PCMT1: variants seen among roughly 807,000 people sequenced by gnomAD.
PCMT1 encodes protein-L-isoaspartate(D-aspartate) O-methyltransferase.
In PCMT1, 9 loss-of-function variants were observed where a neutral mutation model predicts 29.2. The observed-to-expected ratio is 0.31, with a 90% CI of 0.19 to 0.54. The LOEUF is 0.54. PCMT1 is among the 20% of genes least tolerant of loss of function. PCMT1 has a pLI of 0.95. For synonymous variants in PCMT1, 98 were observed against 97.5 expected (o/e 1.00, Z -0.03); for missense variants, 184 against 282.2 (o/e 0.65, Z 2.49).
At chr6:149,777,876 CTTTTTT>C (rs57484963) in intron 3 of PCMT1, among the ~76,000 whole-genome samples, 1 of 111,076 alleles carries the variant, frequency 9.0e-6, no homozygotes, top group Non-Finnish European at 1.8e-5. Flanking sequence ...TTCTTTTCTT[CTTTTTT>C]TTTTTTTTTT....
chr6:149,793,657 G>C lies in PCMT1; in HGVS notation c.406G>C (p.Val136Leu), dbSNP rs776358894. ...DDPTLLSSGR[V>L]QLVVGDGRMG... is the part of the protein sequence containing the mutation. The stretch of plus-strand genomic sequence containing the variant: ...TCCAACACTTCTGTCTTCAGGGAGA[G>C]TACAGCTTGTTGGTAAGTATCAGAA... Residue 136 changes from valine (V) to leucine (L), a missense_variant, in exon 5 of 8, where the codon GTA becomes CTA. Physicochemically the swap from Val to Leu is conservative, Grantham distance 32. Coordinates refer to ENST00000464889, the MANE Select transcript of PCMT1 (RefSeq NM_001360452.2). The C allele has an allele frequency of 6.5e-7, 1 of 1,542,404 alleles. No individual in the cohort carries two copies. Among genetic ancestry groups the C allele is most frequent in the Non-Finnish European group, 8.6e-7 (1 of 1,158,006 alleles).
In PCMT1 at chr6:149,803,072, A is replaced by C. The variant is rs563221041; in HGVS notation, c.*37+656A>C. 1.1e-3 allele frequency among the ~76,000 whole-genome samples: 169 copies of C among 150,644 alleles called. 3 individuals are homozygous for C. Among genetic ancestry groups the C allele is most frequent in the African/African-American group, 3.6e-3 (148 of 41,138 alleles). The stretch of plus-strand genomic sequence containing the variant: ...TGTCTCAAAAAAAAAAAAAAAAAAA[A>C]AAAAAAAAAACAAGGGGCCATCATT... On this transcript the variant is annotated intron_variant, in intron 7 of 7. Transcript: ENST00000464889.
chr6:149,753,889 T>C (rs559570053), intron 1 of PCMT1, among the ~76,000 whole-genome samples: 120 of 152,280 alleles, frequency 7.9e-4, no homozygotes, highest in African/African-American at 2.8e-3. Context: ...ATCTCCTGAA[T>C]CACCTGGAGA....
chr6:149,786,369 A>ACC (rs1407498980), intron 3 of PCMT1, among the ~76,000 whole-genome samples: 14 of 54,208 alleles, frequency 2.6e-4, no homozygotes, highest in African/African-American at 1.1e-3. Flanking sequence ...CGGGGGGCTG[A>ACC]CCCCCCCACC....
At chr6:149,752,395 C>T (rs1447235227) in intron 1 of PCMT1, among the ~76,000 whole-genome samples, 1 of 151,568 alleles carries the variant, frequency 6.6e-6, no homozygotes, top group African/African-American at 2.4e-5. Flanking sequence ...AACGGGGTTT[C>T]ACTATGTTGG....
At chr6:149,765,098 G>A (rs1303928610) in intron 1 of PCMT1, among the ~76,000 whole-genome samples, 10 of 150,478 alleles carry the variant, frequency 6.6e-5, no homozygotes, top group Admixed American at 6.7e-5. Flanking sequence ...GGTGGCTCAC[G>A]CCTGTAATCC....
intron 5 of PCMT1, among the ~76,000 whole-genome samples, chr6:149,795,956 C>T (rs1003210053): frequency 6.6e-6 from 1 of 152,064 alleles, no homozygotes; most frequent in African/African-American, 2.4e-5. Flanking sequence ...GGAGTGTGAA[C>T]GTCAGAGGTG....
At chr6:149,750,045 T>C in intron 1 of PCMT1, 89 bp downstream of exon 1, 1 of 1,459,900 alleles carries the variant, frequency 6.8e-7, no homozygotes, top group Non-Finnish European at 9.1e-7. Context: ...GTTCTGTCTG[T>C]CCCCGCGCGC....
intron 2 of PCMT1, chr6:149,771,944 AG>A (rs1331743958): frequency 4.4e-6 from 2 of 454,918 alleles, no homozygotes; most frequent in Admixed American, 2.4e-5. Flanking sequence ...TATTTAAATA[AG>A]TGTGCTTAAG....
At chr6:149,785,856 C>T (rs1321444405) in intron 3 of PCMT1, among the ~76,000 whole-genome samples, 7 of 152,292 alleles carry the variant, frequency 4.6e-5, no homozygotes, top group African/African-American at 1.4e-4. Flanking sequence ...TCTTCCCCAC[C>T]TTTCCCCCCT....
rs1464585627 is a variant in PCMT1 at position 149,765,974 on chromosome 6, A to C, written c.56-5188A>C. On this transcript the variant is annotated intron_variant, in intron 1 of 7. Coordinates refer to ENST00000464889, the MANE Select transcript of PCMT1 (RefSeq NM_001360452.2). ...AGAGTGAAACTCTGTCTCAAAAAAA[A>C]AATAAATTTTTTTTTTTTTTTACTA... is the stretch of plus-strand genomic sequence containing the variant. 4.0e-5 allele frequency among the ~76,000 whole-genome samples: 5 copies of C among 124,740 alleles called. No homozygotes were observed. In the Admixed American group the frequency reaches 4.5e-4, roughly 11 times the overall value. The allele number at this position is 124,740 out of a possible 152,430, so 81.8% of individuals were successfully genotyped here.
intron 1 of PCMT1, among the ~76,000 whole-genome samples, chr6:149,758,039 A>G (rs1164762064): frequency 1.3e-5 from 2 of 151,754 alleles, no homozygotes; most frequent in Non-Finnish European, 2.9e-5. Context: ...ACGTGCCACC[A>G]TACCCAGCTA....
At position 149,802,289 on chromosome 6, in the gene PCMT1, A is replaced by G. The variant is rs1231602356; in HGVS notation, c.594A>G (p.Leu198=). Reference sequence around the variant, plus strand: ...AAATGTTGGAGCAGTATGACAAGCTACAAGATGGCAGCATCAAAATGAAGC... The same window carrying G: ...AAATGTTGGAGCAGTATGACAAGCTGCAAGATGGCAGCATCAAAATGAAGC... ...GNQMLEQYDK[L]QDGSIKMKPL... The change falls in exon 7 of 8, where the codon CTA becomes CTG. Residue 198 remains leucine, a synonymous_variant. Coordinates refer to ENST00000464889, the MANE Select transcript of PCMT1 (RefSeq NM_001360452.2). 6.2e-7 allele frequency: 1 copy of G among 1,613,730 alleles called. No homozygotes were observed. Among genetic ancestry groups the G allele is most frequent in the Non-Finnish European group, 8.5e-7 (1 of 1,179,834 alleles).
chr6:149,782,093 A>T (rs1388803811), intron 3 of PCMT1, among the ~76,000 whole-genome samples: 1 of 152,116 alleles, frequency 6.6e-6, no homozygotes, highest in Non-Finnish European at 1.5e-5. Context: ...TTAATTACTT[A>T]TATTTTCTGA....
At chr6:149,773,070 AAAG>A in intron 2 of PCMT1, 65 bp from the exon 3 acceptor site, 2 of 1,255,318 alleles carry the variant, frequency 1.6e-6, no homozygotes, top group Non-Finnish European at 2.3e-6. Context: ...GGATGGTAGA[AAAG>A]AAATTATGTG....
intron 1 of PCMT1, among the ~76,000 whole-genome samples, chr6:149,763,814 G>A (rs1041552727): frequency 2.0e-5 from 3 of 152,024 alleles, no homozygotes; most frequent in Non-Finnish European, 4.4e-5. Flanking sequence ...AAAGCTGGAG[G>A]TAGTCCTGAT....
intron 3 of PCMT1, among the ~76,000 whole-genome samples, chr6:149,775,332 A>G (rs1787518130): frequency 6.6e-6 from 1 of 152,238 alleles, no homozygotes; most frequent in African/African-American, 2.4e-5. Context: ...CACAGAAGCC[A>G]TTAAAAAAAC....
At chr6:149,792,566 G>A (rs1788414890) in intron 4 of PCMT1, among the ~76,000 whole-genome samples, 1 of 152,082 alleles carries the variant, frequency 6.6e-6, no homozygotes, top group African/African-American at 2.4e-5. Context: ...AGGCTGGAGT[G>A]CAGTGGCACG....
intron 1 of PCMT1, among the ~76,000 whole-genome samples, chr6:149,766,196 A>G (rs539789485): frequency 6.6e-5 from 10 of 152,146 alleles, no homozygotes; most frequent in South Asian, 2.1e-4. Flanking sequence ...TTTGCTATAC[A>G]ATTGGGTATG....
Sources: allele counts gnomAD v4.1 joint callset (sites outside exome capture counted in the v4.1 genomes callset), GRCh38; gene constraint gnomAD v4.1.1; transcripts MANE v1.5; gene names NCBI Gene and HGNC (gene_info 2026-07-23, HGNC 2026-07-21).